Variants in ST8SIA1 observed in about 807,000 individuals in gnomAD.
ST8SIA1 encodes the protein alpha-N-acetylneuraminide alpha-2,8-sialyltransferase.
Under a neutral mutation model 35.9 loss-of-function variants are expected in ST8SIA1, and 16 were observed. That is an observed-to-expected ratio of 0.45 (90% confidence interval 0.30 to 0.68). The LOEUF (loss-of-function observed/expected upper bound fraction) is 0.68, where lower values mean the gene tolerates loss of function less well. Ranked by LOEUF, ST8SIA1 falls within the 30% of genes least tolerant of loss-of-function variation. The pLI, the probability that ST8SIA1 is intolerant of heterozygous loss-of-function variation, is 0.09. For missense variants in ST8SIA1, 383 were observed against 453.6 expected, an observed-to-expected ratio of 0.84 and a Z score of 1.41; for synonymous variants, 170 against 169.6, an observed-to-expected ratio of 1.00 and a Z score of -0.02.
intron 2 of ST8SIA1, chr12:22,268,721 AC>A (rs1409301881): frequency 6.6e-6 from 1 of 152,076 alleles, no homozygotes; most frequent in Non-Finnish European, 1.5e-5. Context: ...GAGGGTAACC[AC>A]CCCCATGATT....
At chr12:22,322,795 C>T (rs556744318) in intron 1 of ST8SIA1, among the ~76,000 whole-genome samples, 1 of 152,328 alleles carries the variant, frequency 6.6e-6, no homozygotes, top group South Asian at 2.1e-4. Flanking sequence ...ATGACACCTC[C>T]ACCCTTCACC....
intron 4 of ST8SIA1, among the ~76,000 whole-genome samples, chr12:22,205,294 A>G (rs530319949): frequency 6.6e-6 from 1 of 152,332 alleles, no homozygotes; most frequent in East Asian, 1.9e-4. Context: ...ACTACTAAAC[A>G]GTAATTTTTA....
Position 22,329,154 on chromosome 12 carries a change from C to T in ST8SIA1, c.236+4843G>A, listed in dbSNP as rs555810933. 9.2e-5 allele frequency among the ~76,000 whole-genome samples: 14 copies of T among 152,128 alleles called. No homozygotes were observed. In the South Asian group the frequency reaches 2.7e-3, roughly 29 times the overall value. Reference sequence around the variant, plus strand: ...ATGACATTGGAGAAGTAATCAGAGCCAAATCATGAGAGAGATGTATACAGC... The same window carrying T: ...ATGACATTGGAGAAGTAATCAGAGCTAAATCATGAGAGAGATGTATACAGC... On this transcript the variant is annotated intron_variant, in intron 1 of 4. Transcript: ENST00000396037.
intron 4 of ST8SIA1, among the ~76,000 whole-genome samples, chr12:22,211,733 C>T (rs143835724): frequency 3.0e-4 from 45 of 152,046 alleles, no homozygotes; most frequent in African/African-American, 8.9e-4. Flanking sequence ...TTTGAGATGG[C>T]GTCTCGCTCA....
intron 1 of ST8SIA1, among the ~76,000 whole-genome samples, chr12:22,329,090 C>G (rs1866722788): frequency 6.6e-6 from 1 of 152,042 alleles, no homozygotes. Context: ...TTTAATTATT[C>G]CAATATTAGC....
intron 1 of ST8SIA1, among the ~76,000 whole-genome samples, chr12:22,314,816 A>C (rs1222243262): frequency 1.3e-5 from 2 of 152,084 alleles, no homozygotes; most frequent in Non-Finnish European, 2.9e-5. Context: ...TCATGCTCCT[A>C]ATCACAGTTA....
intron 1 of ST8SIA1, among the ~76,000 whole-genome samples, chr12:22,292,364 T>A (rs1388015056): frequency 1.3e-5 from 2 of 152,212 alleles, no homozygotes; most frequent in Non-Finnish European, 2.9e-5. Context: ...TCTTGTTTAT[T>A]GTCTATATCC....
chr12:22,316,401 G>A (rs73087102), intron 1 of ST8SIA1, among the ~76,000 whole-genome samples: 3,822 of 152,258 alleles, frequency 0.025, 107 homozygotes, highest in South Asian at 0.15. Flanking sequence ...AATTAGTGGG[G>A]AGAGGTGAAT....
chr12:22,234,642 T>C (rs1865456300), intron 4 of ST8SIA1, among the ~76,000 whole-genome samples: 1 of 152,222 alleles, frequency 6.6e-6, no homozygotes, highest in Admixed American at 6.5e-5. Flanking sequence ...TTCAATCTTT[T>C]TGGAGATATT....
chr12:22,286,127 G>C (rs1356103278), intron 2 of ST8SIA1, among the ~76,000 whole-genome samples: 2 of 152,144 alleles, frequency 1.3e-5, no homozygotes, highest in African/African-American at 4.8e-5. Context: ...GATGAAGAGA[G>C]AAAACATGTA....
intron 1 of ST8SIA1, among the ~76,000 whole-genome samples, chr12:22,306,124 C>A (rs1866380520): frequency 6.6e-6 from 1 of 152,138 alleles, no homozygotes; most frequent in Non-Finnish European, 1.5e-5. Flanking sequence ...CCCTTCCCTG[C>A]TTGAGTTCTC....
intron 2 of ST8SIA1, among the ~76,000 whole-genome samples, chr12:22,275,279 C>T (rs1332371012): frequency 6.6e-6 from 1 of 152,178 alleles, no homozygotes; most frequent in Non-Finnish European, 1.5e-5. Flanking sequence ...TGGGGCTGGG[C>T]ATGGTGGCTC....
chr12:22,213,970 G>A (rs1230076642), intron 4 of ST8SIA1, among the ~76,000 whole-genome samples: 1 of 152,138 alleles, frequency 6.6e-6, no homozygotes, highest in Non-Finnish European at 1.5e-5. Context: ...TTCAGTTTGG[G>A]GGATTGAATG....
At chr12:22,233,928 A>T (rs1315813211) in intron 4 of ST8SIA1, among the ~76,000 whole-genome samples, 2 of 126,896 alleles carry the variant, frequency 1.6e-5, no homozygotes, top group African/African-American at 2.7e-5. Flanking sequence ...GAATTGGCAG[A>T]TTTTTTTGTT....
Position 22,196,870 on chromosome 12 carries a change from A to G in ST8SIA1, c.*4682T>C, listed in dbSNP as rs1478125727. On this transcript the variant is annotated 3_prime_UTR_variant, in exon 5 of 5. Transcript: ENST00000396037. Reference sequence around the variant, plus strand: ...CAGCGAATTTCCACACTACCTCTCTAGTCACAATGCTACTAGCTCAACTCT... The same window carrying G: ...CAGCGAATTTCCACACTACCTCTCTGGTCACAATGCTACTAGCTCAACTCT... 1.3e-5 allele frequency: 2 copies of G among 152,210 alleles called. No individual in the cohort carries two copies. Among genetic ancestry groups the G allele is most frequent in the Admixed American group, 1.3e-4 (2 of 15,282 alleles). 9.4% of individuals were successfully genotyped at this position (152,210 alleles called of 1,614,324 possible).
chr12:22,225,928 A>G (rs1222178389), intron 4 of ST8SIA1, among the ~76,000 whole-genome samples: 1 of 152,200 alleles, frequency 6.6e-6, no homozygotes, highest in African/African-American at 2.4e-5. Flanking sequence ...TACACCATGT[A>G]TATCAGCAAA....
intron 4 of ST8SIA1, among the ~76,000 whole-genome samples, chr12:22,210,838 A>G (rs1164147151): frequency 6.6e-6 from 1 of 152,212 alleles, no homozygotes; most frequent in East Asian, 1.9e-4. Context: ...GGATGTGTAA[A>G]AAGACCATAA....
chr12:22,287,133 C>G lies in ST8SIA1; in HGVS notation c.381+16G>C, dbSNP rs745531518. 1 of 1,600,292 alleles carries G rather than the reference C, an allele frequency of 6.2e-7. No homozygotes were observed. Among genetic ancestry groups the G allele is most frequent in the South Asian group, 1.1e-5 (1 of 89,022 alleles). ...ATTTAAGAAACCATACTGAAGGCAA[C>G]CAACTCTATACTAACCTGTGGGAAG... On this transcript the variant is annotated intron_variant, in intron 2 of 4. Transcript: ENST00000396037.
chr12:22,235,164 AAG>A (rs1248790429), intron 4 of ST8SIA1, among the ~76,000 whole-genome samples: 3 of 152,210 alleles, frequency 2.0e-5, no homozygotes, highest in Admixed American at 6.5e-5. Flanking sequence ...AATAACACTA[AAG>A]CTCTGATTTT....
Sources: allele counts gnomAD v4.1 joint callset (sites outside exome capture counted in the v4.1 genomes callset), GRCh38; gene constraint gnomAD v4.1.1; transcripts MANE v1.5; gene names NCBI Gene and HGNC (gene_info 2026-07-23, HGNC 2026-07-21).